ITGA4: variants seen among roughly 807,000 people sequenced by gnomAD.
ITGA4 encodes the protein integrin alpha-4.
A neutral mutation model predicts 133.6 loss-of-function variants in ITGA4; 63 were observed. The ratio of observed to expected loss-of-function variants is 0.47; its 90% CI spans 0.38 to 0.58. ITGA4 has a LOEUF of 0.58. Ranked by LOEUF, ITGA4 falls within the 20% of genes least tolerant of loss-of-function variation. The pLI is 0.00. For synonymous variants in ITGA4, 483 were observed against 438.0 expected (o/e 1.10, Z -1.28); for missense variants, 1,076 against 1,252.7 (o/e 0.86, Z 2.13).
At chr2:181,458,467 T>A in intron 2 of ITGA4, 150 bp downstream of exon 2, 1 of 820,092 alleles carries the variant, frequency 1.2e-6, no homozygotes, top group Non-Finnish European at 1.9e-6. Flanking sequence ...TCATCTTGCC[T>A]CCTTAATATA....
Position 181,498,790 on chromosome 2 carries a change from A to AT in ITGA4, c.1695+19dup. The AT allele has an allele frequency of 1.3e-6, 2 of 1,578,906 alleles. No homozygotes were observed. Among genetic ancestry groups the AT allele is most frequent in the Non-Finnish European group, 1.7e-6 (2 of 1,165,062 alleles). On this transcript the variant is annotated intron_variant, in intron 15 of 27. Coordinates refer to ENST00000397033, the MANE Select transcript of ITGA4 (RefSeq NM_000885.6). ...AGCATTTATGCGGGTAATGTAAGCT[A>AT]TTTTTTATTAATGAATATGTGAACT... is the stretch of plus-strand genomic sequence containing the variant.
At chr2:181,494,123 C>T (rs905972087) in intron 11 of ITGA4, among the ~76,000 whole-genome samples, 1 of 152,128 alleles carries the variant, frequency 6.6e-6, no homozygotes, top group Admixed American at 6.5e-5. Context: ...TATTTATAAA[C>T]CTGTATGTGA....
intron 2 of ITGA4, among the ~76,000 whole-genome samples, chr2:181,464,697 C>T (rs1057084796): frequency 9.9e-5 from 15 of 152,064 alleles, no homozygotes; most frequent in African/African-American, 3.4e-4. Context: ...CTGGGATTTG[C>T]TGCACATTTC....
intron 11 of ITGA4, 40 bp downstream of exon 11, chr2:181,493,459 A>G: frequency 1.6e-6 from 2 of 1,246,912 alleles, no homozygotes; most frequent in Non-Finnish European, 2.3e-6. Flanking sequence ...CATTGGTTAT[A>G]ATGCATATCC....
Position 181,498,611 on chromosome 2 carries a change from A to G in ITGA4, c.1541-12A>G, listed in dbSNP as rs962861543. ...GTAATTAGATTAATTGCAATTCTCT[A>G]TATTTTTGCAGTTTTGTTTTATAAC... On this transcript the variant is annotated splice_polypyrimidine_tract_variant and intron_variant, in intron 14 of 27. Coordinates refer to ENST00000397033, the MANE Select transcript of ITGA4 (RefSeq NM_000885.6). 15 of 1,560,100 alleles carry G rather than the reference A, an allele frequency of 9.6e-6. No individual in the cohort carries two copies. The highest frequency in any genetic ancestry group is 1.4e-5 in the African/African-American group (1 of 73,476).
At chr2:181,487,049 G>A (rs898316779) in intron 10 of ITGA4, among the ~76,000 whole-genome samples, 11 of 151,998 alleles carry the variant, frequency 7.2e-5, no homozygotes, top group East Asian at 1.9e-4. Context: ...CTTCTTAAAC[G>A]TAAAATAGTG....
intron 5 of ITGA4, chr2:181,479,199 T>TCATA (rs1242264618): frequency 6.4e-6 from 1 of 155,382 alleles, no homozygotes; most frequent in Non-Finnish European, 1.4e-5. Context: ...TATCAGTCTA[T>TCATA]ATTTTTCATT....
At chr2:181,498,992 A>C (rs951602727) in intron 15 of ITGA4, 1 of 532,540 alleles carries the variant, frequency 1.9e-6, no homozygotes, top group African/African-American at 2.1e-5. Flanking sequence ...CATTTATCAC[A>C]TTTGACCTCA....
chr2:181,534,722 G>T, intron 26 of ITGA4, 94 bp from the exon 27 acceptor site: 1 of 1,058,628 alleles, frequency 9.4e-7, no homozygotes, highest in East Asian at 2.6e-5. Context: ...AATACTACTG[G>T]GGATTATGGC....
intron 10 of ITGA4, among the ~76,000 whole-genome samples, chr2:181,486,497 T>C (rs1344204605): frequency 6.6e-6 from 1 of 152,144 alleles, no homozygotes; most frequent in Non-Finnish European, 1.5e-5. Flanking sequence ...TATAGCTATG[T>C]TGTGGAGGAT....
At chr2:181,526,848 T>TATTTTTATTTTTTTC (rs2105768671) in intron 21 of ITGA4, among the ~76,000 whole-genome samples, 1 of 117,166 alleles carries the variant, frequency 8.5e-6, no homozygotes, top group South Asian at 3.0e-4. Context: ...TTTTTTTTTT[T>TATTTTTATTTTTTTC]TTTTTAAGAG....
intron 4 of ITGA4, among the ~76,000 whole-genome samples, chr2:181,476,989 G>A (rs1685691602): frequency 6.6e-6 from 1 of 152,020 alleles, no homozygotes; most frequent in South Asian, 2.1e-4. Flanking sequence ...GACGGTGGGA[G>A]CAGAGAGAGG....
intron 25 of ITGA4, among the ~76,000 whole-genome samples, chr2:181,533,404 A>G (rs1429636476): frequency 6.6e-6 from 1 of 152,200 alleles, no homozygotes; most frequent in African/African-American, 2.4e-5. Context: ...AACCTTTTGC[A>G]GTTTGCCTTA....
rs751760077 is a variant in ITGA4 at position 181,482,670 on chromosome 2, A to G, written c.1041+19A>G. 1.2e-6 allele frequency: 2 copies of G among 1,608,394 alleles called. No homozygotes were observed. The highest frequency in any genetic ancestry group is 1.7e-6 in the Non-Finnish European group (2 of 1,175,474). ...TGGCTCGGTATGTCCAAGTGCCCCA[A>G]CTGGAAGCCATTTATGGAATTATGA... is the stretch of plus-strand genomic sequence containing the variant. On this transcript the variant is annotated intron_variant, in intron 9 of 27. Coordinates refer to ENST00000397033, the MANE Select transcript of ITGA4 (RefSeq NM_000885.6).
chr2:181,537,164 T>C lies in ITGA4; in HGVS notation c.*1637T>C, dbSNP rs1356522024. ...CGTTATAAAAAGGCTAGTCATTCTT[T>C]CAGGAGAACATCTAGGATCATAGAT... is the stretch of plus-strand genomic sequence containing the variant. On this transcript the variant is annotated 3_prime_UTR_variant, in exon 28 of 28. Transcript: ENST00000397033. 4.4e-6 allele frequency: 2 copies of C among 453,962 alleles called. No individual in the cohort carries two copies. The highest frequency in any genetic ancestry group is 4.7e-5 in the Admixed American group (2 of 42,542). 28.1% of individuals were successfully genotyped at this position (453,962 alleles called of 1,614,324 possible).
rs531484568 is a variant in ITGA4 at position 181,481,608 on chromosome 2, C to T, written c.765C>T (p.Val255=). ...VKFGSYLGYS[V]GAGHFRSQHT... ...TCCCTTTTCTTAAAGGATATTCAGT[C>T]GGAGCTGGTCATTTTCGGAGCCAGC... is the stretch of plus-strand genomic sequence containing the variant. Residue 255 remains valine (V), a synonymous_variant, in exon 7 of 28, where the codon GTC becomes GTT. Transcript: ENST00000397033. The T allele has an allele frequency of 4.1e-5, 65 of 1,591,868 alleles. No homozygotes were observed. In the South Asian group the frequency reaches 5.9e-4, roughly 14 times the overall value.
intron 15 of ITGA4, among the ~76,000 whole-genome samples, chr2:181,507,421 AAGG>A (rs1686415739): frequency 6.6e-6 from 1 of 152,122 alleles, no homozygotes; most frequent in African/African-American, 2.4e-5. Context: ...CCTTTTAGAT[AAGG>A]AGAAGTCTGT....
Position 181,534,827 on chromosome 2 carries a change from A to G in ITGA4, c.2895A>G (p.Glu965=), listed in dbSNP as rs771307553. Residue 965 remains glutamate, a synonymous_variant, in exon 27 of 28, where the codon GAA becomes GAG. Coordinates refer to ENST00000397033, the MANE Select transcript of ITGA4 (RefSeq NM_000885.6). ...CTTAACTCACGTAGGTTCTACTGGA[A>G]GGACTACATCATCAAAGACCCAAAC... ...KDENVAHVLL[E]GLHHQRPKRY... The G allele has an allele frequency of 3.8e-6, 6 of 1,591,076 alleles. No homozygotes were observed. Among genetic ancestry groups the G allele is most frequent in the Non-Finnish European group, 5.1e-6 (6 of 1,173,456 alleles).
intron 2 of ITGA4, among the ~76,000 whole-genome samples, chr2:181,465,448 G>A (rs1357772371): frequency 1.3e-5 from 2 of 151,536 alleles, no homozygotes; most frequent in Non-Finnish European, 2.9e-5. Context: ...ATCCTACCCT[G>A]TGGATTCCAA....
Sources: allele counts gnomAD v4.1 joint callset (sites outside exome capture counted in the v4.1 genomes callset), GRCh38; gene constraint gnomAD v4.1.1; transcripts MANE v1.5; gene names NCBI Gene and HGNC (gene_info 2026-07-23, HGNC 2026-07-21).